Variants in FBXO21 observed in about 807,000 individuals in gnomAD.
The protein encoded by FBXO21 is F-box only protein 21.
FBXO21 carries 32 observed loss-of-function variants against 76.6 expected under a neutral mutation model. That is an observed-to-expected ratio of 0.42 (90% CI 0.32 to 0.56). The LOEUF (loss-of-function observed/expected upper bound fraction) is 0.56. Ranked by LOEUF, FBXO21 falls within the 20% of genes least tolerant of loss-of-function variation. The pLI, the probability that FBXO21 is intolerant of heterozygous loss-of-function variation, is 0.16. For missense variants in FBXO21, 586 were observed against 797.3 expected (o/e 0.73, Z 3.19); for synonymous variants, 328 against 311.5 (o/e 1.05, Z -0.56).
Position 117,146,274 on chromosome 12 carries a change from T to C in FBXO21, c.1679A>G (p.Asn560Ser). Reference sequence around the variant, plus strand: ...TTGAGGCTCCACGTTATATTCCAAGTTTTCTGTTGGTAAAGAGGCACACGG... The same window carrying C: ...TTGAGGCTCCACGTTATATTCCAAGCTTTCTGTTGGTAAAGAGGCACACGG... ...DGSCRYAAQE[N>S]LEYNVEPQEI... Residue 560 changes from asparagine to serine, a missense_variant, in exon 12 of 12, where the codon AAC becomes AGC. Physicochemically the swap from Asn to Ser is conservative, Grantham distance 46 (BLOSUM62 1). Coordinates refer to ENST00000622495, the MANE Select transcript of FBXO21 (RefSeq NM_015002.3). 1.2e-6 allele frequency: 2 copies of C among 1,601,718 alleles called. No individual in the cohort carries two copies. The highest frequency in any genetic ancestry group is 1.7e-6 in the Non-Finnish European group (2 of 1,175,826).
At chr12:117,150,979 TGTGTG>T (rs1955835524) in intron 11 of FBXO21, among the ~76,000 whole-genome samples, 2 of 149,810 alleles carry the variant, frequency 1.3e-5, no homozygotes, top group African/African-American at 4.9e-5. Context: ...TGTGTGTGTG[TGTGTG>T]TGTGTGTGTG....
Position 117,190,309 on chromosome 12 carries a change from C to T in FBXO21, c.148G>A (p.Ala50Thr), listed in dbSNP as rs1956333809. The T allele has an allele frequency of 6.5e-7, 1 of 1,528,982 alleles. No individual in the cohort carries two copies. Among genetic ancestry groups the T allele is most frequent in the East Asian group, 2.7e-5 (1 of 36,632 alleles). 94.7% of individuals were successfully genotyped at this position (1,528,982 alleles called of 1,614,324 possible). ...GTGCTGGAGACACGGCCGATGTCGG[C>T]GGCCGTCAGCGAGCCGCAGCACAGG... ...YILCCGSLTA[A>T]DIGRVSSTCR... Residue 50 changes from alanine to threonine, a missense_variant, in exon 1 of 12, where the codon GCC becomes ACC. Physicochemically the swap from Ala to Thr is moderately conservative, Grantham distance 58. Around this residue, in one of 6 missense-constraint regions of FBXO21, gnomAD observed 152 missense variants for 127.2 expected, o/e 1.19. Coordinates refer to ENST00000622495, the MANE Select transcript of FBXO21 (RefSeq NM_015002.3).
chr12:117,154,698 C>T (rs181792121), intron 11 of FBXO21, among the ~76,000 whole-genome samples: 20 of 152,328 alleles, frequency 1.3e-4, no homozygotes, highest in Admixed American at 1.2e-3. Context: ...TGAGCTCAAG[C>T]AATCCTCCTG....
At chr12:117,161,291 C>G (rs1955973665) in intron 9 of FBXO21, among the ~76,000 whole-genome samples, 1 of 152,002 alleles carries the variant, frequency 6.6e-6, no homozygotes, top group South Asian at 2.1e-4. Context: ...AAGACTGAAG[C>G]AAGACAGTGC....
chr12:117,155,509 C>T (rs1955904172), intron 11 of FBXO21: 2 of 468,050 alleles, frequency 4.3e-6, no homozygotes, highest in African/African-American at 3.9e-5. Flanking sequence ...GCAGGACTTA[C>T]AGGAATTTGA....
intron 4 of FBXO21, among the ~76,000 whole-genome samples, chr12:117,175,342 G>C (rs1358757458): frequency 6.6e-6 from 1 of 152,210 alleles, no homozygotes; most frequent in Non-Finnish European, 1.5e-5. Context: ...GTTATGCTCG[G>C]GGAACCTACA....
In FBXO21 at chr12:117,145,080, T is replaced by TG. The variant is rs1283019583; in HGVS notation, c.*1006_*1007insC. 1.3e-5 allele frequency: 2 copies of TG among 151,830 alleles called. No individual in the cohort carries two copies. The highest frequency in any genetic ancestry group is 2.9e-5 in the Non-Finnish European group (2 of 67,962). 9.4% of individuals were successfully genotyped at this position (151,830 alleles called of 1,614,324 possible). On this transcript the variant is annotated 3_prime_UTR_variant, in exon 12 of 12. Transcript: ENST00000622495. ...TCCCTTCAAAACCTTTTTTTTTTTTTTTAAGGTTCATTAATTTTTTTTTTT... is the reference window on the plus strand; with the variant it reads ...TCCCTTCAAAACCTTTTTTTTTTTTTGTTAAGGTTCATTAATTTTTTTTTTT...
chr12:117,183,050 G>A (rs771889948), intron 3 of FBXO21, among the ~76,000 whole-genome samples: 5 of 152,278 alleles, frequency 3.3e-5, no homozygotes, highest in East Asian at 1.9e-4. Flanking sequence ...CTATGATTGC[G>A]TCACAGCATT....
chr12:117,142,449 T>G lies in FBXO21; in HGVS notation c.*3638A>C, dbSNP rs937085209. 1.3e-5 allele frequency: 2 copies of G among 152,262 alleles called. No individual in the cohort carries two copies. The highest frequency in any genetic ancestry group is 2.9e-5 in the Non-Finnish European group (2 of 68,028). 9.4% of individuals were successfully genotyped at this position (152,262 alleles called of 1,614,324 possible). A position where few individuals can be genotyped will look rare whatever the true frequency, so the allele number is the denominator to read the frequency against. On this transcript the variant is annotated 3_prime_UTR_variant, in exon 12 of 12. Transcript: ENST00000622495. ...TTGACACTTTTAAAAACAGAGAACATGTGACAGTCTGTACGTGGCCTGCAA... is the reference window on the plus strand; with the variant it reads ...TTGACACTTTTAAAAACAGAGAACAGGTGACAGTCTGTACGTGGCCTGCAA...
In FBXO21 at chr12:117,146,197, G is replaced by A. The variant is rs1955768285; in HGVS notation, c.1756C>T (p.His586Tyr). Residue 586 changes from histidine to tyrosine, a missense_variant, in exon 12 of 12, where the codon CAC (histidine) becomes TAC (tyrosine). Around this residue, in one of 6 missense-constraint regions of FBXO21, gnomAD observed 164 missense variants for 236.7 expected, o/e 0.69. Transcript: ENST00000622495. ...GRYFSEFTGT[H>Y]YIPNAELEIR... ...TCCAGCTCTGCGTTTGGGATGTAGTGAGTGCCAGTAAACTCTGAGAAATAG... is the reference window on the plus strand; with the variant it reads ...TCCAGCTCTGCGTTTGGGATGTAGTAAGTGCCAGTAAACTCTGAGAAATAG... 1.2e-6 allele frequency: 2 copies of A among 1,614,004 alleles called. No individual in the cohort carries two copies. Among genetic ancestry groups the A allele is most frequent in the Non-Finnish European group, 1.7e-6 (2 of 1,179,894 alleles).
At chr12:117,157,365 C>T (rs983197311) in intron 10 of FBXO21, among the ~76,000 whole-genome samples, 2 of 152,154 alleles carry the variant, frequency 1.3e-5, no homozygotes, top group Non-Finnish European at 2.9e-5. Flanking sequence ...CAGGTAAGTA[C>T]ACTTTTAAAG....
At position 117,142,485 on chromosome 12, in the gene FBXO21, C is replaced by A. The variant is rs1320263835; in HGVS notation, c.*3602G>T. 6.6e-6 allele frequency: 1 copy of A among 152,110 alleles called. No homozygotes were observed. The highest frequency in any genetic ancestry group is 1.5e-5 in the Non-Finnish European group (1 of 68,014). The allele number at this position is 152,110 out of a possible 1,614,324, so 9.4% of individuals were successfully genotyped here. ...GTACGTGGCCTGCAAAGCCTAAAAT[C>A]TTTACTATCTGCGTCTGCTTTATAG... is the stretch of plus-strand genomic sequence containing the variant. On this transcript the variant is annotated 3_prime_UTR_variant, in exon 12 of 12. Coordinates refer to ENST00000622495, the MANE Select transcript of FBXO21 (RefSeq NM_015002.3).
chr12:117,179,482 T>G (rs183463948), intron 3 of FBXO21, among the ~76,000 whole-genome samples: 30 of 152,326 alleles, frequency 2.0e-4, no homozygotes, highest in Admixed American at 1.8e-3. Context: ...TTTTATTTGT[T>G]GAAGAACCTG....
intron 4 of FBXO21, among the ~76,000 whole-genome samples, chr12:117,175,066 A>C (rs1956160066): frequency 6.6e-6 from 1 of 152,212 alleles, no homozygotes; most frequent in Non-Finnish European, 1.5e-5. Flanking sequence ...TATATGGCGC[A>C]GTTTCATGTT....
intron 2 of FBXO21, among the ~76,000 whole-genome samples, chr12:117,187,057 A>G (rs998810680): frequency 9.9e-5 from 15 of 150,862 alleles, no homozygotes; most frequent in Non-Finnish European, 1.8e-4. Context: ...CGGAGGTTAC[A>G]GTGAGCCAAG....
At chr12:117,189,778 T>TC (rs1246658869) in intron 1 of FBXO21, among the ~76,000 whole-genome samples, 2 of 151,760 alleles carry the variant, frequency 1.3e-5, no homozygotes, top group African/African-American at 4.8e-5. Flanking sequence ...GGGAAGTCGC[T>TC]CCCCCCAAGG....
chr12:117,173,530 TA>T (rs1956139381), intron 6 of FBXO21, among the ~76,000 whole-genome samples: 1 of 152,090 alleles, frequency 6.6e-6, no homozygotes, highest in Non-Finnish European at 1.5e-5. Context: ...AAAAAATAAA[TA>T]TAACAGATGC....
Position 117,172,491 on chromosome 12 carries a change from C to T in FBXO21, c.993G>A (p.Arg331=), listed in dbSNP as rs1956127535. 2 of 1,613,860 alleles carry T rather than the reference C, an allele frequency of 1.2e-6. No individual in the cohort carries two copies. Among genetic ancestry groups the T allele is most frequent in the South Asian group, 1.1e-5 (1 of 91,004 alleles). The stretch of plus-strand genomic sequence containing the variant: ...CTCACCCTTCTGCGCCTTGGCACCA[C>T]CTTAATAAGAAGTGACTTGGGAAGT... ...PVNFPSHFLL[R]WCQGAEGATL... Residue 331 remains arginine (R), a synonymous_variant, in exon 7 of 12, where the codon AGG becomes AGA. Coordinates refer to ENST00000622495, the MANE Select transcript of FBXO21 (RefSeq NM_015002.3).
At chr12:117,185,306 C>T (rs1956271256) in intron 3 of FBXO21, among the ~76,000 whole-genome samples, 2 of 152,166 alleles carry the variant, frequency 1.3e-5, no homozygotes, top group Non-Finnish European at 2.9e-5. Context: ...ACACATCTTA[C>T]CTCTACCCAC....
Sources: gnomAD v4.1 joint callset for allele counts (sites outside exome capture counted in the v4.1 genomes callset) on GRCh38, gnomAD v4.1.1 for gene constraint, gnomAD v4.1.1 regional missense constraint, MANE v1.5 for transcripts, NCBI Gene and HGNC (gene_info 2026-07-23, HGNC 2026-07-21) for gene names.